Variants in PLPP7 observed in about 807,000 individuals in gnomAD.
PLPP7 encodes the protein phospholipid phosphatase 7 (inactive).
Under a neutral mutation model 16.9 loss-of-function variants are expected in PLPP7, and 11 were observed. The ratio of observed to expected loss-of-function variants is 0.65; its 90% confidence interval spans 0.41 to 1.08. The LOEUF (loss-of-function observed/expected upper bound fraction) is 1.08, where lower values mean the gene tolerates loss of function less well. PLPP7 is among the 50% of genes least tolerant of loss of function. PLPP7 has a pLI of 0.00. For missense variants in PLPP7, 358 were observed against 397.1 expected (o/e 0.90, Z 0.84); for synonymous variants, 174 against 175.1 (o/e 0.99, Z 0.05).
chr9:131,300,582 T>C (rs1412394594), intron 1 of PLPP7, among the ~76,000 whole-genome samples: 1 of 149,872 alleles, frequency 6.7e-6, no homozygotes, highest in Non-Finnish European at 1.5e-5. Flanking sequence ...CATGGGAGGC[T>C]GAGGCAGGAG....
rs532677012 is a variant in PLPP7, at chr9:131,295,673, C to T, written c.451+5225C>T. Among the ~76,000 whole-genome samples the T allele has an allele frequency of 3.3e-5, 5 of 151,952 alleles. No individual in the cohort carries two copies. Among genetic ancestry groups the T allele is most frequent in the African/African-American group, 1.2e-4 (5 of 41,394 alleles). On this transcript the variant is annotated intron_variant, in intron 1 of 1. Coordinates refer to ENST00000372264, the MANE Select transcript of PLPP7 (RefSeq NM_032728.4). The surrounding 1 kb of genome is among the most constrained non-coding windows in gnomAD (Gnocchi z 4.0). ...CACTGACTCCCCACTCCCCTTCCCC[C>T]AGCCCCTGGCAACCTCCATTCTACA...
At chr9:131,293,070 A>G (rs1835699360) in intron 1 of PLPP7, 1 of 647,460 alleles carries the variant, frequency 1.5e-6, no homozygotes, top group African/African-American at 2.0e-5. Context: ...GCTGTCGATG[A>G]CCTTTCAAGG....
chr9:131,301,447 G>A (rs969053682), intron 1 of PLPP7, among the ~76,000 whole-genome samples: 3 of 152,190 alleles, frequency 2.0e-5, no homozygotes, highest in South Asian at 4.1e-4. Flanking sequence ...GCAGCTGTTC[G>A]GGCACCCAGA....
rs778919576 is a variant in PLPP7 at position 131,308,257 on chromosome 9, C to T, written c.786C>T (p.Ser262=). 3 of 1,597,034 alleles carry T rather than the reference C, an allele frequency of 1.9e-6. No homozygotes were observed. The highest frequency in any genetic ancestry group is 2.5e-6 in the Non-Finnish European group (3 of 1,178,934). The part of the protein sequence containing the change: ...RLVELVWMPS[S]TCQMLISAW ...TGGAGCTGGTCTGGATGCCCTCCAG[C>T]ACCTGCCAGATGCTCATCTCTGCCT... is the stretch of plus-strand genomic sequence containing the variant. The change falls in exon 2 of 2, where the codon AGC becomes AGT. Residue 262 remains serine (S), a synonymous_variant. Transcript: ENST00000372264.
intron 1 of PLPP7, 94 bp from the exon 2 acceptor site, chr9:131,307,829 C>A: frequency 7.7e-7 from 1 of 1,298,506 alleles, no homozygotes; most frequent in Non-Finnish European, 1.0e-6. Flanking sequence ...GAGTGAGGAG[C>A]AGAAAGGGGA....
chr9:131,300,946 C>A (rs904720303), intron 1 of PLPP7, among the ~76,000 whole-genome samples: 2 of 152,004 alleles, frequency 1.3e-5, no homozygotes, highest in African/African-American at 4.8e-5. Context: ...GCTGGAAAGG[C>A]AGATTTTATT....
chr9:131,300,558 T>C (rs1224602844), intron 1 of PLPP7, among the ~76,000 whole-genome samples: 2 of 152,018 alleles, frequency 1.3e-5, no homozygotes, highest in Non-Finnish European at 2.9e-5. Flanking sequence ...GGCCTGTGCC[T>C]GTGGTCCCAC....
intron 1 of PLPP7, among the ~76,000 whole-genome samples, chr9:131,301,754 T>C (rs1435866248): frequency 6.6e-6 from 1 of 151,760 alleles, no homozygotes; most frequent in Non-Finnish European, 1.5e-5. Context: ...TATTTCCTCC[T>C]GGGACCACCC....
rs141024100 is a variant in PLPP7 at position 131,290,159 on chromosome 9, C to A, written c.162C>A (p.Asp54Glu). 104 of 1,575,528 alleles carry A rather than the reference C, an allele frequency of 6.6e-5. No individual in the cohort carries two copies. The African/African-American group carries it at 1.4e-3, about 21-fold the overall frequency. Reference protein sequence around the residue: ...GPSAQPPPAGDGARERRQSQQ... With the variant: ...GPSAQPPPAGEGARERRQSQQ... Reference sequence around the variant, plus strand: ...CAGCACAGCCCCCACCTGCTGGTGACGGGGCCAGAGAGCGACGCCAGTCAC... The same window carrying A: ...CAGCACAGCCCCCACCTGCTGGTGAAGGGGCCAGAGAGCGACGCCAGTCAC... Residue 54 changes from aspartate to glutamate, a missense_variant, in exon 1 of 2, where the codon GAC (aspartate) becomes GAA (glutamate). Transcript: ENST00000372264. This position sits in a 1 kb window ranked among gnomAD's most constrained non-coding sequence, Gnocchi z 4.2.
At chr9:131,300,689 G>GAAAAAAAA (rs1165239833) in intron 1 of PLPP7, among the ~76,000 whole-genome samples, 1 of 40,358 alleles carries the variant, frequency 2.5e-5, no homozygotes. Flanking sequence ...CTCAAAAGCA[G>GAAAAAAAA]AAAAAAAAAA....
intron 1 of PLPP7, among the ~76,000 whole-genome samples, chr9:131,298,260 G>C (rs546069615): frequency 1.3e-5 from 2 of 152,204 alleles, no homozygotes; most frequent in Non-Finnish European, 2.9e-5. Flanking sequence ...AGTTCAGACC[G>C]ATTTACACAC....
Position 131,289,851 on chromosome 9 carries a change from T to C in PLPP7, c.-147T>C. On this transcript the variant is annotated 5_prime_UTR_variant, in exon 1 of 2. Coordinates refer to ENST00000372264, the MANE Select transcript of PLPP7 (RefSeq NM_032728.4). ...GTGGCAGAGGAGATAAACAGCCATG[T>C]GCAACTCTCCACACTATATTTAACA... The C allele has an allele frequency of 3.5e-6, 2 of 566,954 alleles. No homozygotes were observed. The highest frequency in any genetic ancestry group is 2.7e-6 in the Non-Finnish European group (1 of 372,738). 35.1% of individuals were successfully genotyped at this position (566,954 alleles called of 1,614,324 possible).
Position 131,308,384 on chromosome 9 carries a change from C to T in PLPP7, c.*97C>T. On this transcript the variant is annotated 3_prime_UTR_variant, in exon 2 of 2. Coordinates refer to ENST00000372264, the MANE Select transcript of PLPP7 (RefSeq NM_032728.4). ...GGCGGGCGTGGGTGGAACAGAGCGG[C>T]CAGGAGTCAGAGCGGCCACCCCCAC... is the stretch of plus-strand genomic sequence containing the variant. 1.4e-6 allele frequency: 2 copies of T among 1,444,168 alleles called. No individual in the cohort carries two copies. Among genetic ancestry groups the T allele is most frequent in the Non-Finnish European group, 9.1e-7 (1 of 1,100,528 alleles). 89.5% of individuals were successfully genotyped at this position (1,444,168 alleles called of 1,614,324 possible).
intron 1 of PLPP7, among the ~76,000 whole-genome samples, chr9:131,297,457 C>T (rs2991192): frequency 0.67 from 101,093 of 150,852 alleles, 34,788 homozygotes; most frequent in Middle Eastern, 0.78. Context: ...GCGACCTCAG[C>T]TCACTGCAAC....
intron 1 of PLPP7, among the ~76,000 whole-genome samples, chr9:131,293,153 C>T (rs900057580): frequency 6.6e-6 from 1 of 152,176 alleles, no homozygotes; most frequent in Non-Finnish European, 1.5e-5. Context: ...GCCCACCATA[C>T]AGCTATAAGC....
chr9:131,298,597 G>A (rs1352934291), intron 1 of PLPP7, among the ~76,000 whole-genome samples: 2 of 152,190 alleles, frequency 1.3e-5, no homozygotes, highest in African/African-American at 4.8e-5. Flanking sequence ...GCCACAAAGG[G>A]CCACACTAGG....
chr9:131,299,479 C>T (rs1044825055), intron 1 of PLPP7, among the ~76,000 whole-genome samples: 1 of 152,250 alleles, frequency 6.6e-6, no homozygotes, highest in East Asian at 1.9e-4. Flanking sequence ...CACAGTCACT[C>T]AAGGCCTGGC....
At chr9:131,303,014 AC>A (rs1200330207) in intron 1 of PLPP7, among the ~76,000 whole-genome samples, 1 of 152,110 alleles carries the variant, frequency 6.6e-6, no homozygotes, top group Non-Finnish European at 1.5e-5. Flanking sequence ...ACATATGCAA[AC>A]CATGTTACAA....
chr9:131,291,167 C>T, intron 1 of PLPP7: 4 of 1,366,398 alleles, frequency 2.9e-6, no homozygotes, highest in Non-Finnish European at 3.9e-6. Context: ...CAAGCCATTC[C>T]CTCCACCCAG....
Sources: gnomAD v4.1 joint callset for allele counts (sites outside exome capture counted in the v4.1 genomes callset) on GRCh38, gnomAD v4.1.1 for gene constraint, Gnocchi (gnomAD v3.1) non-coding constraint, MANE v1.5 for transcripts, NCBI Gene and HGNC (gene_info 2026-07-23, HGNC 2026-07-21) for gene names.